ADAM18: variants seen among roughly 807,000 people sequenced by gnomAD.
ADAM18 encodes the protein ADAM metallopeptidase domain 18.
ADAM18 carries 117 observed loss-of-function variants against 94.4 expected under a neutral mutation model. The observed-to-expected ratio is 1.24, with a 90% CI of 1.07 to 1.45. The LOEUF is 1.45. ADAM18 is among the 40% of genes most tolerant of loss of function. The probability of loss-of-function intolerance (pLI) is 0.00; values close to 1 mark genes in which losing one functional copy is unlikely to be tolerated. For synonymous variants in ADAM18, 327 were observed against 291.6 expected (o/e 1.12, Z -1.24); for missense variants, 936 against 880.0 (o/e 1.06, Z -0.81).
rs183491468 is a variant in ADAM18 at position 39,644,476 on chromosome 8, C to T, written c.910-862C>T. 1.8e-3 allele frequency among the ~76,000 whole-genome samples: 277 copies of T among 152,070 alleles called. 3 individuals are homozygous for T. The highest frequency in any genetic ancestry group is 6.1e-3 in the African/African-American group (254 of 41,488). On this transcript the variant is annotated intron_variant, in intron 10 of 19. Coordinates refer to ENST00000265707, the MANE Select transcript of ADAM18 (RefSeq NM_014237.3). Reference sequence around the variant, plus strand: ...TATTTTTAATTTTTTTTTGTAGAGACGGAGTCTCACTATGTTGCCCAGGCT... The same window carrying T: ...TATTTTTAATTTTTTTTTGTAGAGATGGAGTCTCACTATGTTGCCCAGGCT...
intron 2 of ADAM18, among the ~76,000 whole-genome samples, chr8:39,587,852 C>T (rs189392353): frequency 3.3e-5 from 5 of 152,282 alleles, no homozygotes; most frequent in South Asian, 2.1e-4. Context: ...GGTTCATTCA[C>T]GTCTCAAATA....
intron 12 of ADAM18, among the ~76,000 whole-genome samples, chr8:39,658,299 C>T (rs543343721): frequency 6.6e-6 from 1 of 152,256 alleles, no homozygotes; most frequent in South Asian, 2.1e-4. Flanking sequence ...GCAAAAGGAA[C>T]TTCGCAGGTG....
chr8:39,609,515 G>A lies in ADAM18; in HGVS notation c.298G>A (p.Glu100Lys), dbSNP rs374296414. The change falls in exon 5 of 20, where the codon GAA (glutamate) becomes AAA (lysine). Residue 100 changes from glutamate to lysine, a missense_variant. Glu to Lys is a moderately conservative substitution (Grantham distance 56). Coordinates refer to ENST00000265707, the MANE Select transcript of ADAM18 (RefSeq NM_014237.3). The stretch of plus-strand genomic sequence containing the variant: ...TTGCCATTACCAAGGATATGCTGCC[G>A]AATTTCCAAATTCATTTGTGACACT... ...MHCHYQGYAA[E>K]FPNSFVTLSI... 131 of 1,610,992 alleles carry A rather than the reference G, an allele frequency of 8.1e-5. No individual in the cohort carries two copies. The Middle Eastern group carries it at 9.9e-4, about 12-fold the overall frequency.
At chr8:39,648,681 A>G (rs770792506) in intron 12 of ADAM18, among the ~76,000 whole-genome samples, 154 bp downstream of exon 12, 6 of 152,230 alleles carry the variant, frequency 3.9e-5, no homozygotes, top group Non-Finnish European at 8.8e-5. Context: ...TGTATAAATC[A>G]CGTTCCCACA....
At chr8:39,666,124 A>G (rs942315092) in intron 13 of ADAM18, among the ~76,000 whole-genome samples, 1 of 152,072 alleles carries the variant, frequency 6.6e-6, no homozygotes, top group Non-Finnish European at 1.5e-5. Flanking sequence ...TGCAACCTCC[A>G]CCTCCTGGGC....
chr8:39,586,930 G>A (rs1293711560), intron 2 of ADAM18, among the ~76,000 whole-genome samples: 2 of 151,932 alleles, frequency 1.3e-5, no homozygotes, highest in Non-Finnish European at 2.9e-5. Context: ...AACTACGCAG[G>A]GCTTGATGAA....
At chr8:39,639,790 G>T (rs190927145) in intron 10 of ADAM18, among the ~76,000 whole-genome samples, 235 of 151,910 alleles carry the variant, frequency 1.5e-3, no homozygotes, top group Non-Finnish European at 1.9e-3. Context: ...TCAGAAATTC[G>T]TCTTTCCTTT....
intron 2 of ADAM18, chr8:39,605,839 C>G (rs973116705): frequency 1.2e-5 from 2 of 164,832 alleles, no homozygotes; most frequent in Admixed American, 1.3e-4. Context: ...CAATTCATAG[C>G]CTTTTATCCT....
intron 12 of ADAM18, among the ~76,000 whole-genome samples, chr8:39,649,296 T>C (rs1402038034): frequency 2.0e-5 from 3 of 152,176 alleles, no homozygotes; most frequent in Non-Finnish European, 4.4e-5. Context: ...TATGAGGCTG[T>C]GTGTATCTCT....
In ADAM18 at chr8:39,680,189, C is replaced by G; in HGVS notation, c.1784C>G (p.Ala595Gly). ...SSMRSDGTDN[A>G]YVADGTMCGP... is the part of the protein sequence containing the mutation. Reference sequence around the variant, plus strand: ...ATGAGATCAGATGGAACAGACAATGCCTATGTGGCTGATGGCACCATGTGT... The same window carrying G: ...ATGAGATCAGATGGAACAGACAATGGCTATGTGGCTGATGGCACCATGTGT... Residue 595 changes from alanine (A) to glycine (G), a missense_variant, in exon 16 of 20, where the codon GCC becomes GGC. By Grantham distance (60) the Ala-to-Gly change is moderately conservative. Transcript: ENST00000265707. 3.7e-6 allele frequency: 6 copies of G among 1,613,494 alleles called. No homozygotes were observed. Among genetic ancestry groups the G allele is most frequent in the Non-Finnish European group, 5.1e-6 (6 of 1,179,764 alleles).
chr8:39,624,902 T>G (rs2129578897), intron 6 of ADAM18, among the ~76,000 whole-genome samples: 1 of 152,348 alleles, frequency 6.6e-6, no homozygotes, highest in Admixed American at 6.5e-5. Context: ...GAAGCTGTCA[T>G]GCTTCCTGTA....
chr8:39,590,575 T>G (rs1818542510), intron 2 of ADAM18, among the ~76,000 whole-genome samples: 1 of 152,084 alleles, frequency 6.6e-6, no homozygotes, highest in Non-Finnish European at 1.5e-5. Flanking sequence ...CCCTAAAACT[T>G]AAAGTGTAAT....
At chr8:39,702,721 C>T (rs1173624108) in intron 17 of ADAM18, among the ~76,000 whole-genome samples, 1 of 152,178 alleles carries the variant, frequency 6.6e-6, no homozygotes, top group Non-Finnish European at 1.5e-5. Context: ...GTTATCTCAG[C>T]ACCATTTGTT....
intron 16 of ADAM18, among the ~76,000 whole-genome samples, chr8:39,680,483 A>C (rs1821424840): frequency 1.3e-5 from 2 of 152,212 alleles, no homozygotes; most frequent in Non-Finnish European, 2.9e-5. Flanking sequence ...ACTAACTGAC[A>C]TCTGGTAGCT....
At chr8:39,657,656 G>T (rs987866046) in intron 12 of ADAM18, among the ~76,000 whole-genome samples, 1 of 152,104 alleles carries the variant, frequency 6.6e-6, no homozygotes, top group Non-Finnish European at 1.5e-5. Flanking sequence ...CTCAAGACTT[G>T]ATGACACTAT....
intron 6 of ADAM18, among the ~76,000 whole-genome samples, chr8:39,618,644 A>G (rs1412802170): frequency 3.3e-5 from 5 of 152,190 alleles, no homozygotes; most frequent in African/African-American, 4.8e-5. Flanking sequence ...AGAAGGGAGT[A>G]TGCCTTAACC....
At chr8:39,668,435 T>A (rs1821055151) in intron 14 of ADAM18, among the ~76,000 whole-genome samples, 1 of 152,148 alleles carries the variant, frequency 6.6e-6, no homozygotes, top group South Asian at 2.1e-4. Flanking sequence ...TGGGCAAAAA[T>A]CCATATTTAC....
intron 17 of ADAM18, among the ~76,000 whole-genome samples, chr8:39,701,117 CAAAAAAAA>C (rs71237188): frequency 0.011 from 371 of 34,510 alleles, 2 homozygotes; most frequent in African/African-American, 0.036. Flanking sequence ...GACTCTGTCT[CAAAAAAAA>C]AAAAAAAAAA....
intron 18 of ADAM18, among the ~76,000 whole-genome samples, chr8:39,712,606 A>C (rs1822446042): frequency 6.6e-6 from 1 of 152,230 alleles, no homozygotes; most frequent in Non-Finnish European, 1.5e-5. Context: ...CTCAGGATAC[A>C]AAATCAATGT....
Sources: allele counts gnomAD v4.1 joint callset (sites outside exome capture counted in the v4.1 genomes callset), GRCh38; gene constraint gnomAD v4.1.1; transcripts MANE v1.5; gene names NCBI Gene and HGNC (gene_info 2026-07-23, HGNC 2026-07-21).